The following RBBP4 variants were observed in gnomAD, a reference collection of about 807,000 sequenced individuals.
RBBP4 encodes the protein RB binding protein 4, chromatin remodeling factor.
A neutral mutation model predicts 57.2 loss-of-function variants in RBBP4; 3 were observed. The ratio of observed to expected loss-of-function variants is 0.05; its 90% confidence interval spans 0.02 to 0.14. The LOEUF (loss-of-function observed/expected upper bound fraction) is 0.14, where lower values mean the gene tolerates loss of function less well. RBBP4 is among the 10% of genes least tolerant of loss of function. The pLI, the probability that RBBP4 is intolerant of heterozygous loss-of-function variation, is 1.00. For missense variants in RBBP4, 107 were observed against 520.6 expected (o/e 0.21, Z 7.73); for synonymous variants, 151 against 171.5 (o/e 0.88, Z 0.93).
Position 32,680,885 on chromosome 1 carries a change from G to A in RBBP4, c.*1180G>A, listed in dbSNP as rs1018425759. 5.1e-5 allele frequency: 13 copies of A among 252,624 alleles called. No homozygotes were observed. Among genetic ancestry groups the A allele is most frequent in the Admixed American group, 2.2e-4 (4 of 18,478 alleles). 15.6% of individuals were successfully genotyped at this position (252,624 alleles called of 1,614,324 possible). On this transcript the variant is annotated 3_prime_UTR_variant, in exon 12 of 12. Coordinates refer to ENST00000373493, the MANE Select transcript of RBBP4 (RefSeq NM_005610.3). ...ACAGATTAGTCTTTGATAAGGTAAC[G>A]TTTCTTTGAAGTCTATCTGTAGAGA...
At position 32,680,165 on chromosome 1, in the gene RBBP4, T is replaced by TA. The variant is rs1324310149; in HGVS notation, c.*460_*461insA. 2.9e-5 allele frequency: 31 copies of TA among 1,057,186 alleles called. No individual in the cohort carries two copies. Among genetic ancestry groups the TA allele is most frequent in the Non-Finnish European group, 3.2e-5 (29 of 895,220 alleles). 65.5% of individuals were successfully genotyped at this position (1,057,186 alleles called of 1,614,324 possible). A position where few individuals can be genotyped will look rare whatever the true frequency, so the allele number is the denominator to read the frequency against. Reference sequence around the variant, plus strand: ...CATATAGATTCCTACTCGAAAATCTTGACACCTGACTTTCCAGGATGCACA... The same window carrying TA: ...CATATAGATTCCTACTCGAAAATCTTAGACACCTGACTTTCCAGGATGCACA... On this transcript the variant is annotated 3_prime_UTR_variant, in exon 12 of 12. Transcript: ENST00000373493.
intron 2 of RBBP4, among the ~76,000 whole-genome samples, chr1:32,653,866 G>A (rs1396621925): frequency 6.6e-6 from 1 of 151,746 alleles, no homozygotes; most frequent in Non-Finnish European, 1.5e-5. Flanking sequence ...CACCGTGTTA[G>A]CCAGGATGGT....
chr1:32,670,223 A>G (rs909884303), intron 8 of RBBP4, among the ~76,000 whole-genome samples: 2 of 152,194 alleles, frequency 1.3e-5, no homozygotes, highest in African/African-American at 4.8e-5. Flanking sequence ...CTAGTGCCTG[A>G]TTATTTTTTC....
intron 4 of RBBP4, 44 bp from the exon 5 acceptor site, chr1:32,668,695 G>A (rs1648753642): frequency 6.7e-7 from 1 of 1,491,660 alleles, no homozygotes; most frequent in Admixed American, 1.7e-5. Flanking sequence ...TAGGCCCAGA[G>A]AGCCAGTGGA....
Position 32,683,965 on chromosome 1 carries a change from AAG to A in RBBP4, c.*4261_*4262del, listed in dbSNP as rs765101867. ...AAGGCATTAATTAGTATTGTTAGGA[AAG>A]CAGTAACAATGCAAACACCACTCTT... On this transcript the variant is annotated 3_prime_UTR_variant, in exon 12 of 12. Coordinates refer to ENST00000373493, the MANE Select transcript of RBBP4 (RefSeq NM_005610.3). The A allele has an allele frequency of 5.7e-5, 89 of 1,564,430 alleles. 1 individual carries two copies. The South Asian group carries it at 9.7e-4, about 17-fold the overall frequency.
chr1:32,655,983 A>G (rs1191708195), intron 2 of RBBP4, among the ~76,000 whole-genome samples: 1 of 152,116 alleles, frequency 6.6e-6, no homozygotes, highest in African/African-American at 2.4e-5. Context: ...TGCGTTTCTA[A>G]CAAGTTCCCA....
intron 11 of RBBP4, 69 bp downstream of exon 11, chr1:32,672,970 AT>A: frequency 1.6e-6 from 2 of 1,252,026 alleles, no homozygotes; most frequent in Non-Finnish European, 2.3e-6. Context: ...ACATTTGTAT[AT>A]TTTATGATTA....
At position 32,672,777 on chromosome 1, in the gene RBBP4, C is replaced by G; in HGVS notation, c.1102-14C>G. The G allele has an allele frequency of 6.2e-7, 1 of 1,607,422 alleles. No homozygotes were observed. The highest frequency in any genetic ancestry group is 1.3e-5 in the African/African-American group (1 of 74,410). On this transcript the variant is annotated splice_polypyrimidine_tract_variant and intron_variant, in intron 10 of 11. Transcript: ENST00000373493. ...TATCTGCATTTCACCTCTTTGTTTT[C>G]TTCCCTCTTTCAGTTTATTCATGGT...
In RBBP4 at chr1:32,669,617, G is replaced by T; in HGVS notation, c.966+54G>T. The T allele has an allele frequency of 2.6e-6, 4 of 1,564,980 alleles. No homozygotes were observed. Among genetic ancestry groups the T allele is most frequent in the Non-Finnish European group, 3.4e-6 (4 of 1,159,518 alleles). On this transcript the variant is annotated intron_variant, in intron 8 of 11. Transcript: ENST00000373493. The surrounding 1 kb of genome is among the most constrained non-coding windows in gnomAD (Gnocchi z 4.9). The stretch of plus-strand genomic sequence containing the variant: ...TTGTTTTAAGAAAAACCTGCTGGGC[G>T]CGGTCGCTCACGCCTGTAATCCCAG...
intron 2 of RBBP4, among the ~76,000 whole-genome samples, chr1:32,653,498 T>C (rs542631514): frequency 6.6e-6 from 1 of 152,244 alleles, no homozygotes; most frequent in East Asian, 1.9e-4. Flanking sequence ...ATTATACTAG[T>C]AACTTAAGAA....
chr1:32,660,195 T>A (rs753813905), intron 3 of RBBP4, among the ~76,000 whole-genome samples: 1 of 152,166 alleles, frequency 6.6e-6, no homozygotes, highest in Non-Finnish European at 1.5e-5. Context: ...AATAAATAGG[T>A]GCAGATCATT....
At chr1:32,668,702 T>C (rs756275867) in intron 4 of RBBP4, 37 bp from the exon 5 acceptor site, 2 of 1,535,058 alleles carry the variant, frequency 1.3e-6, no homozygotes, top group South Asian at 1.1e-5. Context: ...AGAGAGCCAG[T>C]GGACTGGGTA....
chr1:32,681,712 G>A lies in RBBP4; in HGVS notation c.*2007G>A, dbSNP rs1649447486. 6 of 1,401,190 alleles carry A rather than the reference G, an allele frequency of 4.3e-6. No homozygotes were observed. Among genetic ancestry groups the A allele is most frequent in the Non-Finnish European group, 6.0e-6 (6 of 997,432 alleles). 86.8% of individuals were successfully genotyped at this position (1,401,190 alleles called of 1,614,324 possible). ...TTTTTAAGCAGGTCAGCCAGTATTT[G>A]CAACTTCCACAGGATGAATTGCTTG... On this transcript the variant is annotated 3_prime_UTR_variant, in exon 12 of 12. Transcript: ENST00000373493.
chr1:32,651,770 A>G, intron 1 of RBBP4, 144 bp from the exon 2 acceptor site: 1 of 995,004 alleles, frequency 1.0e-6, no homozygotes, highest in Non-Finnish European at 1.5e-6. Flanking sequence ...GCGAAAGTGG[A>G]GAGTGTGGAT....
In RBBP4 at chr1:32,681,741, A is replaced by G. The variant is rs183104765; in HGVS notation, c.*2036A>G. 1.1e-4 allele frequency: 169 copies of G among 1,581,078 alleles called. No individual in the cohort carries two copies. The East Asian group carries it at 2.8e-3, about 26-fold the overall frequency. ...CTTCCACAGGATGAATTGCTTGCCA[A>G]GTTTCTGGCACTCTTGTCTGGTTGG... On this transcript the variant is annotated 3_prime_UTR_variant, in exon 12 of 12. Transcript: ENST00000373493.
intron 2 of RBBP4, among the ~76,000 whole-genome samples, chr1:32,653,254 G>A (rs938693250): frequency 5.3e-5 from 8 of 151,916 alleles, no homozygotes; most frequent in African/African-American, 1.9e-4. Flanking sequence ...AAATGACAAT[G>A]CAAAAAACAA....
chr1:32,660,635 G>A (rs1648364219), intron 3 of RBBP4, among the ~76,000 whole-genome samples: 1 of 150,042 alleles, frequency 6.7e-6, no homozygotes, highest in Admixed American at 6.7e-5. Flanking sequence ...TGCTCAGGCT[G>A]ATCTGGAACT....
chr1:32,651,691 T>C (rs962873268), intron 1 of RBBP4: 10 of 759,266 alleles, frequency 1.3e-5, no homozygotes, highest in Non-Finnish European at 2.0e-5. Context: ...TCCGAAGGCC[T>C]GGCTGGCCCC....
chr1:32,657,637 A>G, intron 3 of RBBP4, 65 bp downstream of exon 3: 2 of 1,519,506 alleles, frequency 1.3e-6, no homozygotes, highest in South Asian at 2.5e-5. Context: ...GCACTTTGAT[A>G]AAGTAAACTC....
Sources: allele counts gnomAD v4.1 joint callset (sites outside exome capture counted in the v4.1 genomes callset), GRCh38; gene constraint gnomAD v4.1.1; non-coding constraint Gnocchi (gnomAD v3.1); transcripts MANE v1.5; gene names NCBI Gene and HGNC (gene_info 2026-07-23, HGNC 2026-07-21).